Variants in FMO2 observed in about 807,000 individuals in gnomAD.
FMO2 encodes the protein flavin-containing monooxygenase 2.
Under a neutral mutation model 41.6 loss-of-function variants are expected in FMO2, and 33 were observed. The ratio of observed to expected loss-of-function variants is 0.79; its 90% CI spans 0.60 to 1.06. The LOEUF is 1.06. Among genes scored for constraint, FMO2 ranks in the 50% least tolerant of loss-of-function variants. The probability of loss-of-function intolerance (pLI) is 0.00; values close to 1 mark genes in which losing one functional copy is unlikely to be tolerated. For synonymous variants in FMO2, 214 were observed against 219.6 expected (o/e 0.97, Z 0.23); for missense variants, 619 against 632.9 (o/e 0.98, Z 0.23).
At position 171,205,479 on chromosome 1, in the gene FMO2, T is replaced by C. The variant is rs1471370633; in HGVS notation, c.1028T>C (p.Val343Ala). The C allele has an allele frequency of 3.7e-6, 6 of 1,613,874 alleles. No homozygotes were observed. The highest frequency in any genetic ancestry group is 5.1e-6 in the Non-Finnish European group (6 of 1,179,864). ...TTTCCCTTCCTTGAAGATTCACTCG[T>C]TAAAGTAGAGAATAATATGGTCTCA... is the stretch of plus-strand genomic sequence containing the variant. Reference protein sequence around the residue: ...FSFPFLEDSLVKVENNMVSLY... With the variant: ...FSFPFLEDSLAKVENNMVSLY... The change falls in exon 7 of 9, where the codon GTT becomes GCT. Residue 343 changes from valine to alanine, a missense_variant. By Grantham distance (64) the Val-to-Ala change is moderately conservative (BLOSUM62 0). Transcript: ENST00000209929.
rs1658323214 is a variant in FMO2 at position 171,196,693 on chromosome 1, TG to T, written c.368del (p.Gly123AlafsTer35). On this transcript the variant is annotated frameshift_variant, in exon 4 of 9. Coordinates refer to ENST00000209929, the MANE Select transcript of FMO2 (RefSeq NM_001460.5). LOFTEE classifies it high-confidence loss of function. The stretch of plus-strand genomic sequence containing the variant: ...GAAAATGTCCAGATTTCTCATCCTC[TG>T]GCCAATGGAAGGTTGTCACTCAGAG... Reference protein sequence around the residue: ...VRKCPDFSSSGQWKVVTQSNG... With the variant: ...VRKCPDFSSSXQWKVVTQSNG... 5.0e-6 allele frequency: 8 copies of T among 1,613,558 alleles called. No individual in the cohort carries two copies. The South Asian group carries it at 8.8e-5, about 18-fold the overall frequency.
At chr1:171,188,062 G>T (rs1657930835) in intron 2 of FMO2, among the ~76,000 whole-genome samples, 1 of 128,930 alleles carries the variant, frequency 7.8e-6, no homozygotes, top group African/African-American at 2.8e-5. Context: ...TTTGCTCCCA[G>T]GTAGATTCTT....
In FMO2 at chr1:171,209,078, T is replaced by C; in HGVS notation, c.1541T>C (p.Phe514Ser). The C allele has an allele frequency of 9.4e-7, 1 of 1,058,474 alleles. No homozygotes were observed. The highest frequency in any genetic ancestry group is 2.4e-5 in the East Asian group (1 of 41,062). 65.6% of individuals were successfully genotyped at this position (1,058,474 alleles called of 1,614,324 possible). ...LKDSSNFSVS[F>S]LLKILGLLAV... Reference sequence around the variant, plus strand: ...GATTCATCTAATTTCTCAGTTTCTTTTCTGTTGAAAATCCTGGGCCTTCTT... The same window carrying C: ...GATTCATCTAATTTCTCAGTTTCTTCTCTGTTGAAAATCCTGGGCCTTCTT... The change falls in exon 9 of 9, where the codon TTT (phenylalanine) becomes TCT (serine). Residue 514 changes from phenylalanine to serine, a missense_variant. Physicochemically the swap from Phe to Ser is radical, Grantham distance 155. Transcript: ENST00000209929.
At chr1:171,193,310 C>G (rs764831769) in intron 2 of FMO2, 25 bp from the exon 3 acceptor site, 1 of 1,554,048 alleles carries the variant, frequency 6.4e-7, no homozygotes, top group South Asian at 1.2e-5. Flanking sequence ...GTAATTATCA[C>G]TAATTATTTT....
rs767691358 is a variant in FMO2 at position 171,210,798 on chromosome 1, AG to A, written c.*1655del. 10,018 of 130,274 alleles carry A rather than the reference AG, an allele frequency of 0.077. 2,450 individuals carry two copies. Among genetic ancestry groups the A allele is most frequent in the African/African-American group, 0.22 (7,298 of 33,522 alleles). 8.1% of individuals were successfully genotyped at this position (130,274 alleles called of 1,614,324 possible). On this transcript the variant is annotated 3_prime_UTR_variant, in exon 9 of 9. Coordinates refer to ENST00000209929, the MANE Select transcript of FMO2 (RefSeq NM_001460.5). ...AAACTTTTTCTTTAAAATTCAATTA[AG>A]GTACTTCTCCCTCAGGGACGTAGAA... is the stretch of plus-strand genomic sequence containing the variant.
At chr1:171,200,653 T>C (rs186171766) in intron 5 of FMO2, among the ~76,000 whole-genome samples, 2 of 152,186 alleles carry the variant, frequency 1.3e-5, no homozygotes, top group African/African-American at 2.4e-5. Context: ...ATCAGTCAGT[T>C]AGTTAGTGCC....
Position 171,210,641 on chromosome 1 carries a change from G to A in FMO2, c.*1496G>A, listed in dbSNP as rs181926124. 6.6e-6 allele frequency: 1 copy of A among 152,358 alleles called. No individual in the cohort carries two copies. Among genetic ancestry groups the A allele is most frequent in the Non-Finnish European group, 1.5e-5 (1 of 68,058 alleles). The allele number at this position is 152,358 out of a possible 1,614,324, so 9.4% of individuals were successfully genotyped here. On this transcript the variant is annotated 3_prime_UTR_variant, in exon 9 of 9. Coordinates refer to ENST00000209929, the MANE Select transcript of FMO2 (RefSeq NM_001460.5). ...CCCTTCCAAGAGAGAACAAAGGTCA[G>A]AGATGTTGAAGATTCCAGCAAATTT...
chr1:171,197,403 C>A (rs191885951), intron 4 of FMO2, among the ~76,000 whole-genome samples: 2 of 152,256 alleles, frequency 1.3e-5, no homozygotes, highest in Non-Finnish European at 2.9e-5. Context: ...AGACCTACCC[C>A]CAAAGATTCA....
chr1:171,190,508 G>C (rs1481476256), intron 2 of FMO2, among the ~76,000 whole-genome samples: 1 of 152,114 alleles, frequency 6.6e-6, no homozygotes, highest in African/African-American at 2.4e-5. Flanking sequence ...TCCTCCTCTT[G>C]ATTGACAATA....
chr1:171,193,038 T>C (rs1038407734), intron 2 of FMO2, among the ~76,000 whole-genome samples: 1 of 152,126 alleles, frequency 6.6e-6, no homozygotes, highest in African/African-American at 2.4e-5. Flanking sequence ...ATTAAATAGG[T>C]AGAGACCTAG....
rs28369877 is a variant in FMO2 at position 171,200,157 on chromosome 1, A to G, written c.627+669A>G. On this transcript the variant is annotated intron_variant, in intron 5 of 8. Transcript: ENST00000209929. ...TCAGTTACCCAAATATTATGAAAAG[A>G]AAGATTAAATAGATAGTAGGTCTCT... Among the ~76,000 whole-genome samples the G allele has an allele frequency of 6.6e-3, 1,012 of 152,312 alleles. 14 individuals are homozygous for G. The highest frequency in any genetic ancestry group is 0.012 in the South Asian group (59 of 4,830).
chr1:171,207,938 GC>G, intron 8 of FMO2, 148 bp downstream of exon 8: 4 of 608,292 alleles, frequency 6.6e-6, no homozygotes, highest in South Asian at 6.3e-5. Context: ...CGTGTGTGAG[GC>G]TAAAAAGTTG....
In FMO2 at chr1:171,210,264, CTT is replaced by C. The variant is rs1315703725; in HGVS notation, c.*1121_*1122del. The stretch of plus-strand genomic sequence containing the variant: ...CCTATGCAATAACATTTAGGATAAT[CTT>C]TGACATTTTGGAAAAATAAGAATTG... On this transcript the variant is annotated 3_prime_UTR_variant, in exon 9 of 9. Transcript: ENST00000209929. 6.6e-6 allele frequency: 1 copy of C among 152,040 alleles called. No homozygotes were observed. The highest frequency in any genetic ancestry group is 1.5e-5 in the Non-Finnish European group (1 of 67,996). 9.4% of individuals were successfully genotyped at this position (152,040 alleles called of 1,614,324 possible). A position where few individuals can be genotyped will look rare whatever the true frequency, so the allele number is the denominator to read the frequency against.
chr1:171,187,926 T>C (rs1043103747), intron 2 of FMO2, among the ~76,000 whole-genome samples: 1 of 152,106 alleles, frequency 6.6e-6, no homozygotes, highest in Non-Finnish European at 1.5e-5. Flanking sequence ...ATGATTAATA[T>C]CATTTTAGTT....
At chr1:171,193,217 C>A in intron 2 of FMO2, 118 bp from the exon 3 acceptor site, 1 of 657,074 alleles carries the variant, frequency 1.5e-6, no homozygotes, top group South Asian at 1.9e-5. Context: ...TAAACATTGT[C>A]GTCACACTGC....
At chr1:171,191,873 A>T (rs1391042321) in intron 2 of FMO2, among the ~76,000 whole-genome samples, 2 of 151,270 alleles carry the variant, frequency 1.3e-5, no homozygotes, top group African/African-American at 4.9e-5. Context: ...AAAAAAAAAA[A>T]AAAAAAATAC....
intron 2 of FMO2, among the ~76,000 whole-genome samples, chr1:171,191,363 T>C (rs953820641): frequency 2.0e-5 from 3 of 152,150 alleles, no homozygotes; most frequent in Admixed American, 2.0e-4. Context: ...AGCCAAATTG[T>C]TGGGTCTTTT....
chr1:171,196,843 A>G (rs369636918), intron 4 of FMO2, 32 bp downstream of exon 4: 45 of 1,602,128 alleles, frequency 2.8e-5, no homozygotes, highest in African/African-American at 4.0e-5. Flanking sequence ...AGCTTTTTGG[A>G]GTAGGTTTCC....
At chr1:171,203,764 G>A in intron 5 of FMO2, 101 bp from the exon 6 acceptor site, 2 of 1,014,162 alleles carry the variant, frequency 2.0e-6, no homozygotes, top group Non-Finnish European at 3.0e-6. Context: ...CAGAACCTCT[G>A]TAAATTCTGG....
Sources: allele counts gnomAD v4.1 joint callset (sites outside exome capture counted in the v4.1 genomes callset), GRCh38; gene constraint gnomAD v4.1.1; transcripts MANE v1.5; gene names NCBI Gene and HGNC (gene_info 2026-07-23, HGNC 2026-07-21).